Variants in SMYD2 observed in about 807,000 individuals in gnomAD.
SMYD2 encodes the protein N-lysine methyltransferase SMYD2.
Under a neutral mutation model 59.1 loss-of-function variants are expected in SMYD2, and 53 were observed. The observed-to-expected ratio is 0.90, with a 90% CI of 0.72 to 1.13. The LOEUF is 1.13. SMYD2 is among the 50% of genes most tolerant of loss of function. The pLI, the probability that SMYD2 is intolerant of heterozygous loss-of-function variation, is 0.00. For synonymous variants in SMYD2, 208 were observed against 198.8 expected (o/e 1.05, Z -0.39); for missense variants, 494 against 544.7 (o/e 0.91, Z 0.93).
rs761089167 is a variant in SMYD2 at position 214,330,162 on chromosome 1, C to T, written c.706-6C>T. ...GACTGAAGCTTTATCTTTTTGGACC[C>T]CGTAGGTTTTTACCAGCTATATTGA... On this transcript the variant is annotated splice_polypyrimidine_tract_variant and splice_region_variant and intron_variant, in intron 7 of 11. Coordinates refer to ENST00000366957, the MANE Select transcript of SMYD2 (RefSeq NM_020197.3). 1.3e-6 allele frequency: 2 copies of T among 1,586,382 alleles called. No homozygotes were observed. The highest frequency in any genetic ancestry group is 1.1e-5 in the South Asian group (1 of 88,444).
intron 5 of SMYD2, among the ~76,000 whole-genome samples, chr1:214,323,056 G>T (rs1007085992): frequency 6.6e-6 from 1 of 152,182 alleles, no homozygotes. Flanking sequence ...ACAAGCAGGG[G>T]TCTCAGCCTT....
intron 1 of SMYD2, among the ~76,000 whole-genome samples, chr1:214,304,609 A>G (rs1313589089): frequency 1.4e-5 from 2 of 145,904 alleles, no homozygotes; most frequent in Non-Finnish European, 3.0e-5. Context: ...GCTAGGTTGC[A>G]CTTTTAAACT....
At position 214,312,537 on chromosome 1, in the gene SMYD2, T is replaced by C. The variant is rs1412644681; in HGVS notation, c.238-2225T>C. On this transcript the variant is annotated intron_variant, in intron 2 of 11. Coordinates refer to ENST00000366957, the MANE Select transcript of SMYD2 (RefSeq NM_020197.3). This position sits in a 1 kb window ranked among gnomAD's most constrained non-coding sequence, Gnocchi z 4.1. Reference sequence around the variant, plus strand: ...AGTGCTCTTTCTGACAGGGTGATTGTGGCAGGTATCTTGAGAAGGTGACAT... The same window carrying C: ...AGTGCTCTTTCTGACAGGGTGATTGCGGCAGGTATCTTGAGAAGGTGACAT... Among the ~76,000 whole-genome samples, 1 of 152,172 alleles carries C rather than the reference T, an allele frequency of 6.6e-6. No homozygotes were observed. Among genetic ancestry groups the C allele is most frequent in the Non-Finnish European group, 1.5e-5 (1 of 68,020 alleles).
intron 5 of SMYD2, among the ~76,000 whole-genome samples, chr1:214,322,345 T>C (rs1205506291): frequency 1.3e-5 from 2 of 152,224 alleles, no homozygotes; most frequent in African/African-American, 4.8e-5. Flanking sequence ...TGGTTGATGG[T>C]CATTGGTTAA....
Position 214,319,009 on chromosome 1 carries a change from C to T in SMYD2, c.534+26C>T, listed in dbSNP as rs747482299. 6 of 1,612,014 alleles carry T rather than the reference C, an allele frequency of 3.7e-6. No individual in the cohort carries two copies. The South Asian group carries it at 5.5e-5, about 15-fold the overall frequency. Reference sequence around the variant, plus strand: ...GTAAGGACGCTGGCAGCAGGTAACACTCAGTCTGGCCTTTCCCTCTCCAAG... The same window carrying T: ...GTAAGGACGCTGGCAGCAGGTAACATTCAGTCTGGCCTTTCCCTCTCCAAG... On this transcript the variant is annotated intron_variant, in intron 5 of 11. Coordinates refer to ENST00000366957, the MANE Select transcript of SMYD2 (RefSeq NM_020197.3).
chr1:214,288,384 T>A (rs1300203806), intron 1 of SMYD2, among the ~76,000 whole-genome samples: 3 of 152,198 alleles, frequency 2.0e-5, no homozygotes, highest in Admixed American at 2.0e-4. Context: ...ATTTATTGAG[T>A]GCCTCTTAAA....
intron 1 of SMYD2, among the ~76,000 whole-genome samples, chr1:214,296,541 T>TA (rs1261386030): frequency 4.0e-5 from 6 of 151,490 alleles, no homozygotes; most frequent in East Asian, 1.9e-4. Flanking sequence ...GACATCACTT[T>TA]AAAAAAAAAG....
At chr1:214,306,938 A>G (rs890332290) in intron 2 of SMYD2, among the ~76,000 whole-genome samples, 1 of 152,226 alleles carries the variant, frequency 6.6e-6, no homozygotes, top group Non-Finnish European at 1.5e-5. Context: ...TGGGGGGCCA[A>G]GGCAGACAGA....
chr1:214,299,465 T>TA (rs1553254476), intron 1 of SMYD2, among the ~76,000 whole-genome samples: 6 of 71,590 alleles, frequency 8.4e-5, no homozygotes, highest in Non-Finnish European at 1.5e-4. Context: ...AAAGAAAACA[T>TA]TATATATATA....
intron 7 of SMYD2, 30 bp downstream of exon 7, chr1:214,327,754 A>AG: frequency 6.3e-7 from 1 of 1,581,714 alleles, no homozygotes; most frequent in Non-Finnish European, 8.7e-7. Flanking sequence ...TGGCTGCAGC[A>AG]GGGGGCTTGA....
At chr1:214,316,883 A>C (rs1317331980) in intron 3 of SMYD2, among the ~76,000 whole-genome samples, 2 of 152,188 alleles carry the variant, frequency 1.3e-5, no homozygotes, top group East Asian at 1.9e-4. Flanking sequence ...TTTGGGCTGA[A>C]TAAGTCAGAG....
intron 1 of SMYD2, among the ~76,000 whole-genome samples, chr1:214,297,236 G>A (rs1440021202): frequency 1.3e-5 from 2 of 151,910 alleles, no homozygotes; most frequent in African/African-American, 4.8e-5. Context: ...GACAACCAAG[G>A]TTGAGAACCA....
At chr1:214,303,214 G>A (rs780147728) in intron 1 of SMYD2, among the ~76,000 whole-genome samples, 9 of 152,076 alleles carry the variant, frequency 5.9e-5, no homozygotes, top group African/African-American at 1.9e-4. Flanking sequence ...ATCTCCCACC[G>A]TTACCTATTT....
intron 1 of SMYD2, among the ~76,000 whole-genome samples, chr1:214,304,540 CAG>C (rs1422676399): frequency 1.1e-4 from 12 of 110,976 alleles, no homozygotes; most frequent in Non-Finnish European, 2.0e-4. Flanking sequence ...GCCTGGGTGA[CAG>C]AGTGAGACCC....
At position 214,318,181 on chromosome 1, in the gene SMYD2, A is replaced by G; in HGVS notation, c.409+42A>G. ...CCAGCCGCGCAGTTCTCTCAGCCACAGATTTCACATGGGTTGGGCAGGATT... is the reference window on the plus strand; with the variant it reads ...CCAGCCGCGCAGTTCTCTCAGCCACGGATTTCACATGGGTTGGGCAGGATT... On this transcript the variant is annotated intron_variant, in intron 4 of 11. Coordinates refer to ENST00000366957, the MANE Select transcript of SMYD2 (RefSeq NM_020197.3). This position sits in a 1 kb window ranked among gnomAD's most constrained non-coding sequence, Gnocchi z 5.4. 3 of 1,588,736 alleles carry G rather than the reference A, an allele frequency of 1.9e-6. No homozygotes were observed. The highest frequency in any genetic ancestry group is 2.6e-6 in the Non-Finnish European group (3 of 1,159,526).
intron 11 of SMYD2, among the ~76,000 whole-genome samples, chr1:214,336,247 C>A (rs1018126594): frequency 4.6e-5 from 7 of 151,234 alleles, no homozygotes; most frequent in African/African-American, 1.2e-4. Context: ...TAAAAAAAAA[C>A]CAAGGCCAGG....
chr1:214,291,430 G>A (rs1558048362), intron 1 of SMYD2, among the ~76,000 whole-genome samples: 1 of 152,204 alleles, frequency 6.6e-6, no homozygotes, highest in South Asian at 2.1e-4. Context: ...ACTGAAGGGG[G>A]TTGGAAGGGC....
At chr1:214,310,419 A>T (rs1471390572) in intron 2 of SMYD2, among the ~76,000 whole-genome samples, 1 of 152,190 alleles carries the variant, frequency 6.6e-6, no homozygotes, top group Non-Finnish European at 1.5e-5. Context: ...GAACAGAACA[A>T]GTATTCATAA....
In SMYD2 at chr1:214,337,123, A is replaced by G. The variant is rs887355142; in HGVS notation, c.*339A>G. Reference sequence around the variant, plus strand: ...CTTGAATGATGAAAGTATTAAAGAGATATCAGTATTTGAGGTTTGTATTTT... The same window carrying G: ...CTTGAATGATGAAAGTATTAAAGAGGTATCAGTATTTGAGGTTTGTATTTT... On this transcript the variant is annotated 3_prime_UTR_variant, in exon 12 of 12. Transcript: ENST00000366957. The G allele has an allele frequency of 5.3e-6, 1 of 187,162 alleles. No individual in the cohort carries two copies. The highest frequency in any genetic ancestry group is 2.4e-5 in the African/African-American group (1 of 41,914). The allele number at this position is 187,162 out of a possible 1,614,324, so 11.6% of individuals were successfully genotyped here.
Sources: gnomAD v4.1 joint callset for allele counts (sites outside exome capture counted in the v4.1 genomes callset) on GRCh38, gnomAD v4.1.1 for gene constraint, Gnocchi (gnomAD v3.1) non-coding constraint, MANE v1.5 for transcripts, NCBI Gene and HGNC (gene_info 2026-07-23, HGNC 2026-07-21) for gene names.